The following ABCB5 variants were observed in gnomAD, a reference collection of about 807,000 sequenced individuals.
The protein encoded by ABCB5 is ATP-binding cassette sub-family B member 5.
ABCB5 carries 155 observed loss-of-function variants against 144.2 expected under a neutral mutation model. The ratio of observed to expected loss-of-function variants is 1.08; its 90% confidence interval spans 0.94 to 1.23. The LOEUF (loss-of-function observed/expected upper bound fraction) is 1.23, where lower values mean the gene tolerates loss of function less well. ABCB5 is among the 50% of genes most tolerant of loss of function. The pLI is 0.00. For missense variants in ABCB5, 1,830 were observed against 1,520.8 expected (o/e 1.20, Z -3.38); for synonymous variants, 610 against 528.6 (o/e 1.15, Z -2.11).
chr7:20,711,776 T>TTC (rs537885442), intron 20 of ABCB5, among the ~76,000 whole-genome samples: 1 of 42,250 alleles, frequency 2.4e-5, no homozygotes, highest in African/African-American at 1.0e-4. Flanking sequence ...CTTTCCTTCT[T>TTC]TCTCTTTCTT....
chr7:20,692,565 A>T (rs1481717033), intron 16 of ABCB5, among the ~76,000 whole-genome samples: 2 of 151,630 alleles, frequency 1.3e-5, no homozygotes, highest in Non-Finnish European at 2.9e-5. Flanking sequence ...AGTATCAGTA[A>T]TAGTAAATAT....
At chr7:20,644,293 G>A (rs935704687) in intron 7 of ABCB5, among the ~76,000 whole-genome samples, 1 of 152,032 alleles carries the variant, frequency 6.6e-6, no homozygotes, top group African/African-American at 2.4e-5. Context: ...TGCCCAGGCT[G>A]ATCTCGAATT....
intron 16 of ABCB5, 34 bp from the exon 17 acceptor site, chr7:20,698,373 A>T: frequency 6.5e-7 from 1 of 1,534,802 alleles, no homozygotes; most frequent in Non-Finnish European, 8.8e-7. Flanking sequence ...ATGCACACAA[A>T]CTGGCATTTT....
In ABCB5 at chr7:20,698,501, A is replaced by G; in HGVS notation, c.2105A>G (p.Asn702Ser). The G allele has an allele frequency of 1.2e-6, 2 of 1,604,820 alleles. No individual in the cohort carries two copies. Among genetic ancestry groups the G allele is most frequent in the South Asian group, 1.1e-5 (1 of 88,430 alleles). Reference protein sequence around the residue: ...VVLGTLASVLNGTVHPVFSII... With the variant: ...VVLGTLASVLSGTVHPVFSII... Reference sequence around the variant, plus strand: ...CTGGGGACATTGGCTTCTGTTCTAAATGGAACTGTTCATCCAGTATTTTCC... The same window carrying G: ...CTGGGGACATTGGCTTCTGTTCTAAGTGGAACTGTTCATCCAGTATTTTCC... Residue 702 changes from asparagine to serine, a missense_variant, in exon 17 of 28, where the codon AAT becomes AGT. By Grantham distance (46) the Asn-to-Ser change is conservative. Transcript: ENST00000404938.
At chr7:20,714,997 T>C (rs1367570816) in intron 20 of ABCB5, among the ~76,000 whole-genome samples, 1 of 152,190 alleles carries the variant, frequency 6.6e-6, no homozygotes, top group Non-Finnish European at 1.5e-5. Flanking sequence ...ACATGAAAAC[T>C]ACAATGCTCA....
At position 20,673,440 on chromosome 7, in the gene ABCB5, G is replaced by A. The variant is rs765374235; in HGVS notation, c.1708-8065G>A. 8.5e-5 allele frequency among the ~76,000 whole-genome samples: 13 copies of A among 152,092 alleles called. 1 individual carries two copies. The South Asian group carries it at 2.5e-3, about 29-fold the overall frequency. On this transcript the variant is annotated intron_variant, in intron 14 of 27. Coordinates refer to ENST00000404938, the MANE Select transcript of ABCB5 (RefSeq NM_001163941.2). ...TTTTGGTGTCATGTATTTTAGAACT[G>A]TGTTATTACACACATAAATATTTAG...
intron 20 of ABCB5, among the ~76,000 whole-genome samples, chr7:20,716,831 T>C (rs943322750): frequency 6.6e-6 from 1 of 152,182 alleles, no homozygotes; most frequent in African/African-American, 2.4e-5. Context: ...GGGTGAGGGC[T>C]GAACCCTACA....
At chr7:20,692,184 A>G (rs899516848) in intron 16 of ABCB5, among the ~76,000 whole-genome samples, 1 of 152,144 alleles carries the variant, frequency 6.6e-6, no homozygotes, top group African/African-American at 2.4e-5. Flanking sequence ...ACACCTAGGT[A>G]TATCATAATC....
intron 24 of ABCB5, among the ~76,000 whole-genome samples, chr7:20,741,814 C>T (rs539338789): frequency 7.9e-5 from 12 of 152,162 alleles, no homozygotes; most frequent in African/African-American, 2.9e-4. Context: ...AAATCCACTA[C>T]TCCTTAGTTG....
chr7:20,745,400 G>A lies in ABCB5; in HGVS notation c.3391G>A (p.Ala1131Thr). 4 of 1,614,182 alleles carry A rather than the reference G, an allele frequency of 2.5e-6. No individual in the cohort carries two copies. Among genetic ancestry groups the A allele is most frequent in the Non-Finnish European group, 3.4e-6 (4 of 1,180,028 alleles). Residue 1131 changes from alanine to threonine, a missense_variant, in exon 26 of 28, where the codon GCA becomes ACA. Physicochemically the swap from Ala to Thr is moderately conservative, Grantham distance 58. Coordinates refer to ENST00000404938, the MANE Select transcript of ABCB5 (RefSeq NM_001163941.2). ...PLDEIKEAAN[A>T]ANIHSFIEGL... ...AGATGAGATCAAAGAAGCCGCAAATGCAGCAAATATCCATTCTTTTATTGA... is the reference window on the plus strand; with the variant it reads ...AGATGAGATCAAAGAAGCCGCAAATACAGCAAATATCCATTCTTTTATTGA...
chr7:20,695,890 T>C (rs1786396425), intron 16 of ABCB5, among the ~76,000 whole-genome samples: 1 of 151,952 alleles, frequency 6.6e-6, no homozygotes, highest in Non-Finnish European at 1.5e-5. Flanking sequence ...CCTGTTAGAA[T>C]GGTTAAATCT....
chr7:20,723,724 G>A (rs1365695617), intron 21 of ABCB5, among the ~76,000 whole-genome samples: 1 of 152,132 alleles, frequency 6.6e-6, no homozygotes, highest in African/African-American at 2.4e-5. Flanking sequence ...TCTGGTCATT[G>A]AATAATCAAA....
chr7:20,631,149 A>G (rs1284531726), intron 4 of ABCB5, among the ~76,000 whole-genome samples: 1 of 151,974 alleles, frequency 6.6e-6, no homozygotes. Flanking sequence ...ACCTCTATCA[A>G]TATAATCTAC....
At chr7:20,729,759 T>C (rs1164410809) in intron 23 of ABCB5, among the ~76,000 whole-genome samples, 1 of 152,136 alleles carries the variant, frequency 6.6e-6, no homozygotes, top group African/African-American at 2.4e-5. Context: ...CACCAAAAAA[T>C]GCACATCCAT....
At chr7:20,629,285 A>G (rs908424725) in intron 4 of ABCB5, among the ~76,000 whole-genome samples, 21 of 152,040 alleles carry the variant, frequency 1.4e-4, no homozygotes, top group Admixed American at 1.3e-4. Flanking sequence ...CAGAGAGCCA[A>G]TGTTGCAGTT....
chr7:20,649,720 T>C (rs1168647924), intron 11 of ABCB5, among the ~76,000 whole-genome samples: 2 of 152,228 alleles, frequency 1.3e-5, no homozygotes, highest in African/African-American at 4.8e-5. Context: ...TTTCATTAAC[T>C]TGATAGTCAA....
chr7:20,745,294 C>T lies in ABCB5; in HGVS notation c.3285C>T (p.Ile1095=), dbSNP rs1180587924. Residue 1095 remains isoleucine, a synonymous_variant, in exon 26 of 28, where the codon ATC becomes ATT. Coordinates refer to ENST00000404938, the MANE Select transcript of ABCB5 (RefSeq NM_001163941.2). ...NVQWLRSQIA[I]VPQEPVLFNC... ...AGTGGCTCCGTTCCCAAATAGCAAT[C>T]GTTCCTCAAGAGCCTGTGCTCTTCA... The T allele has an allele frequency of 4.3e-6, 7 of 1,614,018 alleles. No homozygotes were observed. The Admixed American group carries it at 8.3e-5, about 19-fold the overall frequency.
At position 20,658,578 on chromosome 7, in the gene ABCB5, C is replaced by G; in HGVS notation, c.1609C>G (p.Arg537Gly). 1 of 1,614,096 alleles carries G rather than the reference C, an allele frequency of 6.2e-7. No individual in the cohort carries two copies. Among genetic ancestry groups the G allele is most frequent in the Non-Finnish European group, 8.5e-7 (1 of 1,180,022 alleles). The change falls in exon 14 of 28, where the codon CGT (arginine) becomes GGT (glycine). Residue 537 changes from arginine (R) to glycine (G), a missense_variant. Arg to Gly is a moderately radical substitution (Grantham distance 125, BLOSUM62 -2). Transcript: ENST00000404938. ...GCAGAAACAGAGGATCGCAATTGCT[C>G]GTGCCTTAGTTCGAAACCCCAAGAT... ...GGQKQRIAIA[R>G]ALVRNPKILI...
At chr7:20,678,599 C>T (rs1163696046) in intron 14 of ABCB5, among the ~76,000 whole-genome samples, 5 of 151,650 alleles carry the variant, frequency 3.3e-5, no homozygotes, top group African/African-American at 2.4e-5. Context: ...AGTTATTGTG[C>T]TAGGCATTTA....
Sources: gnomAD v4.1 joint callset for allele counts (sites outside exome capture counted in the v4.1 genomes callset) on GRCh38, gnomAD v4.1.1 for gene constraint, MANE v1.5 for transcripts, NCBI Gene and HGNC (gene_info 2026-07-23, HGNC 2026-07-21) for gene names.